The following SLC25A43 variants were observed in gnomAD, a reference collection of about 807,000 sequenced individuals.
SLC25A43 encodes the protein solute carrier family 25 member 43.
In SLC25A43, 10 loss-of-function variants were observed where a neutral mutation model predicts 22.8. That is an observed-to-expected ratio of 0.44 (90% confidence interval 0.27 to 0.74). The LOEUF is 0.74. Ranked by LOEUF, SLC25A43 falls within the 30% of genes least tolerant of loss-of-function variation. SLC25A43 has a pLI of 0.17. For missense variants in SLC25A43, 233 were observed against 279.1 expected, an observed-to-expected ratio of 0.83 and a Z score of 1.18; for synonymous variants, 106 against 121.6, an observed-to-expected ratio of 0.87 and a Z score of 0.84.
At chrX:119,448,694 CCTT>C (rs1225241384) in intron 3 of SLC25A43, among the ~76,000 whole-genome samples, 1 of 111,759 alleles carries the variant, frequency 8.9e-6, no homozygotes, top group Non-Finnish European at 1.9e-5. Flanking sequence ...TCCAGACACT[CCTT>C]ATGTTCCCCC....
chrX:119,425,758 T>C (rs1014284699), intron 3 of SLC25A43, among the ~76,000 whole-genome samples: 10 of 111,062 alleles, frequency 9.0e-5, no homozygotes, highest in African/African-American at 9.8e-5. Flanking sequence ...TGTTTTTTTT[T>C]CAAAAGGTAT....
intron 3 of SLC25A43, 72 bp downstream of exon 3, chrX:119,410,434 G>C: frequency 1.9e-6 from 2 of 1,078,277 alleles, no homozygotes; most frequent in Non-Finnish European, 2.6e-6. Flanking sequence ...TAACAGCAAA[G>C]AACACTGACC....
chrX:119,443,108 TTC>T (rs1302161108), intron 3 of SLC25A43, among the ~76,000 whole-genome samples: 3 of 95,194 alleles, frequency 3.2e-5, no homozygotes, highest in East Asian at 3.2e-4. Flanking sequence ...TCTTTTCCCA[TTC>T]TCTCTCTTTT....
intron 3 of SLC25A43, among the ~76,000 whole-genome samples, chrX:119,451,173 T>A (rs886792477): frequency 9.1e-6 from 1 of 109,324 alleles, no homozygotes; most frequent in Non-Finnish European, 1.9e-5. Flanking sequence ...GCAAAAAAAA[T>A]AATAATATTA....
At chrX:119,430,340 T>A (rs2052542214) in intron 3 of SLC25A43, among the ~76,000 whole-genome samples, 1 of 112,787 alleles carries the variant, frequency 8.9e-6, no homozygotes, top group South Asian at 3.6e-4. Flanking sequence ...ATTAAATCAT[T>A]TCATTTTGAC....
At chrX:119,402,430 A>AC (rs1036234395) in intron 1 of SLC25A43, among the ~76,000 whole-genome samples, 19 of 108,862 alleles carry the variant, frequency 1.7e-4, no homozygotes, top group African/African-American at 3.7e-4. Context: ...CAAATAGAAG[A>AC]CCCCCCCGCC....
At chrX:119,451,439 C>G (rs746183494) in intron 3 of SLC25A43, among the ~76,000 whole-genome samples, 3 of 111,586 alleles carry the variant, frequency 2.7e-5, no homozygotes, top group Non-Finnish European at 5.7e-5. Flanking sequence ...GAAGAGTGGC[C>G]AGATTAGTAG....
chrX:119,425,034 C>T (rs1489463615), intron 3 of SLC25A43, among the ~76,000 whole-genome samples: 1 of 105,521 alleles, frequency 9.5e-6, no homozygotes, highest in Non-Finnish European at 1.9e-5. Flanking sequence ...TGGCTTTGGC[C>T]AGGGAATGGT....
intron 1 of SLC25A43, among the ~76,000 whole-genome samples, chrX:119,403,827 A>G (rs2052259722): frequency 9.1e-6 from 1 of 109,884 alleles, no homozygotes; most frequent in Admixed American, 9.6e-5. Context: ...CTGTGACCAA[A>G]TGAGTGTGGG....
At chrX:119,422,211 G>A (rs1357253527) in intron 3 of SLC25A43, among the ~76,000 whole-genome samples, 8 of 111,941 alleles carry the variant, frequency 7.1e-5, no homozygotes, top group Admixed American at 2.8e-4. Context: ...CACCGTGCCC[G>A]GCCAAATAAC....
intron 3 of SLC25A43, among the ~76,000 whole-genome samples, chrX:119,433,469 T>C (rs1448820097): frequency 2.7e-5 from 3 of 112,162 alleles, no homozygotes; most frequent in Non-Finnish European, 5.6e-5. Flanking sequence ...CCTAACCAAG[T>C]TGACATATGA....
chrX:119,447,989 C>G (rs945525710), intron 3 of SLC25A43, among the ~76,000 whole-genome samples: 2 of 111,458 alleles, frequency 1.8e-5, no homozygotes, highest in Non-Finnish European at 3.8e-5. Context: ...CGCAGTTGAA[C>G]TCCTGATGTT....
At position 119,451,734 on chromosome X, in the gene SLC25A43, G is replaced by A. The variant is rs967777572; in HGVS notation, c.691-275G>A. On this transcript the variant is annotated intron_variant, in intron 3 of 4. Transcript: ENST00000217909. ...TGTCCAGAAGGCACAGGTTGGGAGG[G>A]AATGTAAGTATGAAATTGAATCTGT... is the stretch of plus-strand genomic sequence containing the variant. The A allele has an allele frequency of 1.1e-4, 86 of 773,568 alleles. No homozygotes were observed. In the Middle Eastern group the frequency reaches 3.7e-3, roughly 33 times the overall value. The allele number at this position is 773,568 out of a possible 1,213,427, so 63.8% of individuals were successfully genotyped here. A position where few individuals can be genotyped will look rare whatever the true frequency, so the allele number is the denominator to read the frequency against.
In SLC25A43 at chrX:119,399,375, G is replaced by A. The variant is rs1260811334; in HGVS notation, c.-29G>A. 7.3e-6 allele frequency: 7 copies of A among 962,797 alleles called. No individual in the cohort carries two copies. The highest frequency in any genetic ancestry group is 9.1e-6 in the Non-Finnish European group (7 of 768,407). The allele number at this position is 962,797 out of a possible 1,213,427, so 79.3% of individuals were successfully genotyped here. A position where few individuals can be genotyped will look rare whatever the true frequency, so the allele number is the denominator to read the frequency against. On this transcript the variant is annotated 5_prime_UTR_variant, in exon 1 of 5. Transcript: ENST00000217909. ...CCGGAGAGCCCCAGGCCCGAGCCAC[G>A]CGGTCTTCCGGGCCCGGGTCGGGGC...
At chrX:119,435,129 G>A in intron 3 of SLC25A43, among the ~76,000 whole-genome samples, 1 of 111,099 alleles carries the variant, frequency 9.0e-6, no homozygotes, top group Non-Finnish European at 1.9e-5. Context: ...GTGAGCCACT[G>A]CACCCAACTT....
intron 3 of SLC25A43, among the ~76,000 whole-genome samples, chrX:119,444,431 C>T (rs1453916720): frequency 9.0e-6 from 1 of 111,276 alleles, no homozygotes; most frequent in African/African-American, 3.3e-5. Context: ...TGAGGCCAGG[C>T]GCAGTGGCTC....
intron 3 of SLC25A43, among the ~76,000 whole-genome samples, chrX:119,446,771 C>CTTGTGTCAGCTCATG (rs1157912306): frequency 8.9e-6 from 1 of 112,020 alleles, no homozygotes; most frequent in African/African-American, 3.2e-5. Flanking sequence ...ATTCATTGAG[C>CTTGTGTCAGCTCATG]ACCAGTCATG....
intron 3 of SLC25A43, among the ~76,000 whole-genome samples, chrX:119,429,353 T>C (rs1259006467): frequency 1.8e-5 from 2 of 111,857 alleles, no homozygotes; most frequent in Middle Eastern, 4.6e-3. Flanking sequence ...CCCAGCTGTG[T>C]TTTACATCTT....
intron 3 of SLC25A43, among the ~76,000 whole-genome samples, chrX:119,411,267 G>A (rs1242032371): frequency 9.0e-6 from 1 of 111,590 alleles, no homozygotes; most frequent in Non-Finnish European, 1.9e-5. Context: ...TTGGGAGGCC[G>A]AGGTGGGCGG....
Sources: allele counts gnomAD v4.1 joint callset (sites outside exome capture counted in the v4.1 genomes callset), GRCh38; gene constraint gnomAD v4.1.1; transcripts MANE v1.5; gene names NCBI Gene and HGNC (gene_info 2026-07-23, HGNC 2026-07-21).